NRXN2: variants seen among roughly 807,000 people sequenced by gnomAD.
The protein encoded by NRXN2 is neurexin 2, also known as neurexin-2-beta.
NRXN2 carries 29 observed loss-of-function variants against 128.8 expected under a neutral mutation model. The ratio of observed to expected loss-of-function variants is 0.23; its 90% CI spans 0.17 to 0.31. NRXN2 has a LOEUF of 0.31. Among genes scored for constraint, NRXN2 ranks in the 10% least tolerant of loss-of-function variants. The pLI, the probability that NRXN2 is intolerant of heterozygous loss-of-function variation, is 1.00. For missense variants in NRXN2, 1,881 were observed against 2,452.6 expected (o/e 0.77, Z 4.92); for synonymous variants, 1,098 against 1,075.2 (o/e 1.02, Z -0.41).
intron 22 of NRXN2, among the ~76,000 whole-genome samples, 153 bp from the exon 23 acceptor site, chr11:64,608,235 C>T (rs1303946819): frequency 3.3e-5 from 5 of 152,222 alleles, no homozygotes; most frequent in Admixed American, 6.5e-5. Flanking sequence ...GCCCGCCAGC[C>T]GGCCGAGCAC....
intron 15 of NRXN2, among the ~76,000 whole-genome samples, chr11:64,649,557 G>A (rs912454636): frequency 6.6e-5 from 10 of 152,172 alleles, no homozygotes; most frequent in Non-Finnish European, 1.2e-4. Flanking sequence ...GATAACCCCC[G>A]GGGTTTGGGG....
intron 19 of NRXN2, among the ~76,000 whole-genome samples, chr11:64,627,310 G>A (rs1054141302): frequency 1.3e-5 from 2 of 151,960 alleles, no homozygotes; most frequent in Non-Finnish European, 2.9e-5. Flanking sequence ...GGCGCCTGGT[G>A]TGGGAGCTGG....
chr11:64,641,044 A>G (rs909836116), intron 17 of NRXN2, among the ~76,000 whole-genome samples: 2 of 152,168 alleles, frequency 1.3e-5, no homozygotes, highest in Non-Finnish European at 2.9e-5. Flanking sequence ...AAGTGCAGAC[A>G]TGGGAGGCCA....
chr11:64,701,911 T>C (rs2055452863), intron 2 of NRXN2, among the ~76,000 whole-genome samples: 1 of 81,680 alleles, frequency 1.2e-5, no homozygotes, highest in Non-Finnish European at 2.3e-5. Context: ...GTGGGGGGGG[T>C]CAGCCCCCCG....
chr11:64,667,135 G>A lies in NRXN2; in HGVS notation c.1798+115C>T, dbSNP rs1565355719. ...TGAGGGGGGTGGAGGAGAAGCGGCA[G>A]GGAAGAATATAGGAAATGGTGTAGA... On this transcript the variant is annotated intron_variant, in intron 9 of 22. Transcript: ENST00000265459. This position sits in a 1 kb window ranked among gnomAD's most constrained non-coding sequence, Gnocchi z 5.6. 1.9e-6 allele frequency: 2 copies of A among 1,064,304 alleles called. No homozygotes were observed. Among genetic ancestry groups the A allele is most frequent in the African/African-American group, 1.6e-5 (1 of 63,974 alleles). The allele number at this position is 1,064,304 out of a possible 1,614,324, so 65.9% of individuals were successfully genotyped here.
At chr11:64,707,817 G>C (rs1005459872) in intron 2 of NRXN2, among the ~76,000 whole-genome samples, 1 of 152,046 alleles carries the variant, frequency 6.6e-6, no homozygotes, top group Non-Finnish European at 1.5e-5. Flanking sequence ...TCCCAGACTG[G>C]GTGTGGTGGC....
intron 6 of NRXN2, among the ~76,000 whole-genome samples, chr11:64,681,689 C>T (rs1592076566): frequency 1.3e-5 from 2 of 152,320 alleles, no homozygotes; most frequent in Admixed American, 1.3e-4. Context: ...ATTGGCAGAG[C>T]TGGGATTTGA....
intron 3 of NRXN2, 144 bp downstream of exon 3, chr11:64,697,631 C>G: frequency 1.1e-6 from 1 of 922,866 alleles, no homozygotes; most frequent in Non-Finnish European, 1.7e-6. Context: ...GCAAGGCAGC[C>G]AAGGGAGGAC....
chr11:64,637,679 G>A (rs1050490847), intron 17 of NRXN2, among the ~76,000 whole-genome samples: 1 of 151,998 alleles, frequency 6.6e-6, no homozygotes, highest in African/African-American at 2.4e-5. Flanking sequence ...TGGGCTCCAG[G>A]GCCTCCCATT....
chr11:64,676,928 G>C (rs1209248521), intron 7 of NRXN2, 65 bp downstream of exon 7: 3 of 1,333,810 alleles, frequency 2.2e-6, no homozygotes, highest in African/African-American at 2.9e-5. Flanking sequence ...ACAAAAGAGG[G>C]AGAATCGAAC....
rs1351397710 is a variant in NRXN2 at position 64,685,672 on chromosome 11, C to T, written c.1126G>A (p.Val376Ile). 3.1e-6 allele frequency: 5 copies of T among 1,614,190 alleles called. No homozygotes were observed. The highest frequency in any genetic ancestry group is 3.4e-6 in the Non-Finnish European group (4 of 1,180,036). The change falls in exon 6 of 23, where the codon GTC becomes ATC. Residue 376 changes from valine (V) to isoleucine (I), a missense_variant. By Grantham distance (29) the Val-to-Ile change is conservative. This residue lies in a region of NRXN2 where 997 missense variants were observed against 1,240.8 expected (regional missense o/e 0.80). Coordinates refer to ENST00000265459, the MANE Select transcript of NRXN2 (RefSeq NM_015080.4). Reference protein sequence around the residue: ...GKFNDNAWHDVRVTRNLRQHA... With the variant: ...GKFNDNAWHDIRVTRNLRQHA... ...TGGCGCAGGTTTCGGGTGACCCGGA[C>T]GTCGTGCCAGGCGTTGTCGTTGAAC...
chr11:64,637,720 C>T (rs1373637571), intron 17 of NRXN2, among the ~76,000 whole-genome samples: 1 of 152,148 alleles, frequency 6.6e-6, no homozygotes, highest in African/African-American at 2.4e-5. Context: ...TTCTTGATCC[C>T]TCAGACCAGG....
chr11:64,643,725 C>T (rs1344352163), intron 17 of NRXN2, among the ~76,000 whole-genome samples: 1 of 151,696 alleles, frequency 6.6e-6, no homozygotes, highest in Non-Finnish European at 1.5e-5. Flanking sequence ...CTAGCCCGCT[C>T]GGCGCTCTCC....
intron 9 of NRXN2, among the ~76,000 whole-genome samples, chr11:64,663,420 T>C (rs2049337650): frequency 6.6e-6 from 1 of 151,580 alleles, no homozygotes; most frequent in East Asian, 1.9e-4. Context: ...TGTGCCCTCT[T>C]TTAGTAACAT....
chr11:64,650,215 C>T (rs1228289608), intron 15 of NRXN2, among the ~76,000 whole-genome samples: 6 of 152,110 alleles, frequency 3.9e-5, no homozygotes, highest in Non-Finnish European at 5.9e-5. Context: ...ACCAAGCACC[C>T]TGTGAGACGC....
In NRXN2 at chr11:64,632,131, G is replaced by A. The variant is rs2044000983; in HGVS notation, c.3586-1558C>T. Among the ~76,000 whole-genome samples the A allele has an allele frequency of 1.3e-5, 2 of 152,238 alleles. No individual in the cohort carries two copies. Among genetic ancestry groups the A allele is most frequent in the Non-Finnish European group, 2.9e-5 (2 of 68,044 alleles). The stretch of plus-strand genomic sequence containing the variant: ...GGGGTGGCTCACAGATGGGGCAAGG[G>A]TTGGGGTTTGGCAGAGAGAGTTGGG... On this transcript the variant is annotated intron_variant, in intron 18 of 22. Coordinates refer to ENST00000265459, the MANE Select transcript of NRXN2 (RefSeq NM_015080.4). This position sits in a 1 kb window ranked among gnomAD's most constrained non-coding sequence, Gnocchi z 4.2.
chr11:64,688,115 G>C (rs924832811), intron 5 of NRXN2, among the ~76,000 whole-genome samples: 4 of 129,778 alleles, frequency 3.1e-5, no homozygotes, highest in African/African-American at 1.5e-4. Context: ...GATTGGGACA[G>C]AACAAGAGGC....
rs1284979814 is a variant in NRXN2, at chr11:64,628,745, C to T, written c.3757+1657G>A. Among the ~76,000 whole-genome samples, 4 of 152,216 alleles carry T rather than the reference C, an allele frequency of 2.6e-5. No homozygotes were observed. The East Asian group carries it at 7.7e-4, about 29-fold the overall frequency. ...GAGAATGAGAGAAGTCTGCTGCCCA[C>T]AGGAATCATGCCTACACAGCCAGAG... is the stretch of plus-strand genomic sequence containing the variant. On this transcript the variant is annotated intron_variant, in intron 19 of 22. Coordinates refer to ENST00000265459, the MANE Select transcript of NRXN2 (RefSeq NM_015080.4).
chr11:64,653,644 C>G, intron 12 of NRXN2, 52 bp downstream of exon 12: 7 of 1,546,712 alleles, frequency 4.5e-6, no homozygotes, highest in Non-Finnish European at 6.2e-6. Context: ...ATCCCAGCGT[C>G]CAGCATCCCA....
Sources: allele counts gnomAD v4.1 joint callset (sites outside exome capture counted in the v4.1 genomes callset), GRCh38; gene constraint gnomAD v4.1.1; regional missense constraint gnomAD v4.1.1; non-coding constraint Gnocchi (gnomAD v3.1); transcripts MANE v1.5; gene names NCBI Gene and HGNC (gene_info 2026-07-23, HGNC 2026-07-21).